The following CACNB3 variants were observed in gnomAD, a reference collection of about 807,000 sequenced individuals.
CACNB3 encodes voltage-dependent L-type calcium channel subunit beta-3.
CACNB3 carries 36 observed loss-of-function variants against 63.7 expected under a neutral mutation model. The observed-to-expected ratio is 0.57, with a 90% confidence interval of 0.43 to 0.75. The LOEUF is 0.75. Ranked by LOEUF, CACNB3 falls within the 30% of genes least tolerant of loss-of-function variation. CACNB3 has a pLI of 0.00. For missense variants in CACNB3, 493 were observed against 648.6 expected (o/e 0.76, Z 2.61); for synonymous variants, 241 against 250.6 (o/e 0.96, Z 0.36).
chr12:48,828,857 T>C lies in CACNB3; in HGVS notation c.*958T>C. The C allele has an allele frequency of 2.3e-6, 1 of 436,114 alleles. No homozygotes were observed. Among genetic ancestry groups the C allele is most frequent in the East Asian group, 7.0e-5 (1 of 14,280 alleles). The allele number at this position is 436,114 out of a possible 1,614,324, so 27.0% of individuals were successfully genotyped here. On this transcript the variant is annotated 3_prime_UTR_variant, in exon 13 of 13. Coordinates refer to ENST00000301050, the MANE Select transcript of CACNB3 (RefSeq NM_000725.4). ...TGTCTCCCCGGCTACTCTTGCCTTATGGCTCTAGTGTGTGACCTACAGAGC... is the reference window on the plus strand; with the variant it reads ...TGTCTCCCCGGCTACTCTTGCCTTACGGCTCTAGTGTGTGACCTACAGAGC...
At chr12:48,824,598 A>G in intron 4 of CACNB3, 71 bp from the exon 5 acceptor site, 2 of 1,385,988 alleles carry the variant, frequency 1.4e-6, no homozygotes, top group Non-Finnish European at 2.0e-6. Context: ...CAATTATTAA[A>G]TAATGCATAG....
chr12:48,816,867 C>T, upstream of CACNB3: 1 of 985,478 alleles, frequency 1.0e-6, no homozygotes. Flanking sequence ...CTGCTTTCTT[C>T]ACTAGAGCCA....
chr12:48,823,286 G>T lies in CACNB3; in HGVS notation c.46-58G>T. The T allele has an allele frequency of 1.3e-5, 20 of 1,592,662 alleles. No homozygotes were observed. Among genetic ancestry groups the T allele is most frequent in the Non-Finnish European group, 1.7e-5 (20 of 1,169,222 alleles). On this transcript the variant is annotated intron_variant, in intron 1 of 12. Coordinates refer to ENST00000301050, the MANE Select transcript of CACNB3 (RefSeq NM_000725.4). This position sits in a 1 kb window ranked among gnomAD's most constrained non-coding sequence, Gnocchi z 4.2. ...GGCAACACTGTAAGGTGAGGAGGGT[G>T]CCTCCATGGCATCCTTCATGCCGGA...
At chr12:48,817,024 G>A, upstream of CACNB3, 1 of 985,016 alleles carries the variant, frequency 1.0e-6, no homozygotes, top group Non-Finnish European at 1.2e-6. Flanking sequence ...GCAGTGTCTG[G>A]GAACTTCCAA....
upstream of CACNB3, chr12:48,817,133 C>T (rs1041969570): frequency 1.2e-5 from 5 of 401,610 alleles, no homozygotes; most frequent in African/African-American, 1.1e-4. Context: ...AGTTGTTTGT[C>T]AAACCCAGCA....
Position 48,825,268 on chromosome 12 carries a change from A to C in CACNB3, c.573+25A>C. 6.2e-7 allele frequency: 1 copy of C among 1,608,360 alleles called. No individual in the cohort carries two copies. The highest frequency in any genetic ancestry group is 8.5e-7 in the Non-Finnish European group (1 of 1,175,354). On this transcript the variant is annotated intron_variant, in intron 7 of 12. Coordinates refer to ENST00000301050, the MANE Select transcript of CACNB3 (RefSeq NM_000725.4). This position sits in a 1 kb window ranked among gnomAD's most constrained non-coding sequence, Gnocchi z 4.5. ...GGTGAGAGGAGGTCCTTGACCCCAA[A>C]GAGTCACCTCTACCAAGCCTGCCAC...
chr12:48,818,376 C>G (rs1942341592), upstream of CACNB3: 2 of 888,824 alleles, frequency 2.3e-6, no homozygotes, highest in Non-Finnish European at 2.7e-6. This position sits in a 1 kb window ranked among gnomAD's most constrained non-coding sequence, Gnocchi z 4.3. Flanking sequence ...CCTCCCTCCC[C>G]CGCCGCAGCC....
In CACNB3 at chr12:48,820,062, C is replaced by T. The variant is rs151172699; in HGVS notation, c.45+1088C>T. The stretch of plus-strand genomic sequence containing the variant: ...CAAGTCTTCTCCCATCACTTACTGC[C>T]AGGCCCAGGATAGATGAATGCTGAT... On this transcript the variant is annotated intron_variant, in intron 1 of 12. Transcript: ENST00000301050. 4.1e-3 allele frequency: 766 copies of T among 185,634 alleles called. 6 individuals are homozygous for T. The highest frequency in any genetic ancestry group is 0.017 in the African/African-American group (710 of 42,788). 11.5% of individuals were successfully genotyped at this position (185,634 alleles called of 1,614,324 possible). A position where few individuals can be genotyped will look rare whatever the true frequency, so the allele number is the denominator to read the frequency against.
At chr12:48,817,983 G>C (rs1161019881), upstream of CACNB3, 1 of 152,306 alleles carries the variant, frequency 6.6e-6, no homozygotes, top group East Asian at 1.9e-4. Flanking sequence ...GGCCTACCCA[G>C]CTCACGGAAA....
In CACNB3 at chr12:48,827,703, G is replaced by GT. The variant is rs1419923799; in HGVS notation, c.1260dup (p.Ser421Ter). 4 of 1,614,056 alleles carry GT rather than the reference G, an allele frequency of 2.5e-6. No individual in the cohort carries two copies. Among genetic ancestry groups the GT allele is most frequent in the Non-Finnish European group, 3.4e-6 (4 of 1,180,020 alleles). On this transcript the variant is annotated frameshift_variant, in exon 13 of 13. Coordinates refer to ENST00000301050, the MANE Select transcript of CACNB3 (RefSeq NM_000725.4). LOFTEE classifies it high-confidence loss of function. Reference sequence around the variant, plus strand: ...CAAGCCTGGACAGGATCTTCACAGCGTAGCTCCCGCCACCTGGAGGAGGAC... The same window carrying GT: ...CAAGCCTGGACAGGATCTTCACAGCGTTAGCTCCCGCCACCTGGAGGAGGAC...
chr12:48,815,350 T>C (rs932619878), upstream of CACNB3: 2 of 353,064 alleles, frequency 5.7e-6, no homozygotes, highest in Non-Finnish European at 1.1e-5. Flanking sequence ...GGAGCGAGGG[T>C]GCGACGTGGG....
At chr12:48,820,165 T>A (rs1937782081) in intron 1 of CACNB3, 2 of 156,040 alleles carry the variant, frequency 1.3e-5, no homozygotes, top group East Asian at 1.9e-4. Flanking sequence ...CTGGGGCTAA[T>A]TACATTGCCG....
chr12:48,821,941 C>T (rs1019044350), intron 1 of CACNB3, among the ~76,000 whole-genome samples: 1 of 152,214 alleles, frequency 6.6e-6, no homozygotes, highest in African/African-American at 2.4e-5. Flanking sequence ...GGGCTGACCC[C>T]TAGCTGAACA....
At chr12:48,822,877 A>C (rs1197232845) in intron 1 of CACNB3, among the ~76,000 whole-genome samples, 1 of 152,166 alleles carries the variant, frequency 6.6e-6, no homozygotes, top group Non-Finnish European at 1.5e-5. Flanking sequence ...GCCAACCAGC[A>C]TCTCTTGACT....
intron 1 of CACNB3, chr12:48,820,927 C>G (rs1937817154): frequency 2.0e-5 from 3 of 152,220 alleles, no homozygotes; most frequent in Admixed American, 2.0e-4. Context: ...GTGCCTCACA[C>G]CTGTAATCCC....
In CACNB3 at chr12:48,825,343, G is replaced by A. The variant is rs1938070866; in HGVS notation, c.574-91G>A. ...GGGGTGTGTCTCCTCCGTCCAGGGT[G>A]TGTATGTGGAGCGCATTGACTCTGG... On this transcript the variant is annotated intron_variant, in intron 7 of 12. Coordinates refer to ENST00000301050, the MANE Select transcript of CACNB3 (RefSeq NM_000725.4). The surrounding 1 kb of genome is among the most constrained non-coding windows in gnomAD (Gnocchi z 4.5). 6.4e-7 allele frequency: 1 copy of A among 1,568,228 alleles called. No individual in the cohort carries two copies. Among genetic ancestry groups the A allele is most frequent in the African/African-American group, 1.4e-5 (1 of 73,944 alleles).
upstream of CACNB3, chr12:48,815,428 G>C (rs1417455472): frequency 2.7e-6 from 2 of 728,694 alleles, no homozygotes; most frequent in Non-Finnish European, 4.3e-6. Context: ...GACGGAAGTG[G>C]AGAGAGGCTG....
upstream of CACNB3, among the ~76,000 whole-genome samples, chr12:48,817,492 C>T (rs867399566): frequency 6.6e-6 from 1 of 152,312 alleles, no homozygotes; most frequent in Non-Finnish European, 1.5e-5. Flanking sequence ...TGTCTACGCA[C>T]ATCCTCCTCG....
intron 1 of CACNB3, among the ~76,000 whole-genome samples, 171 bp downstream of exon 1, chr12:48,819,145 G>T (rs1488482173): frequency 6.6e-6 from 1 of 152,094 alleles, no homozygotes; most frequent in African/African-American, 2.4e-5. Context: ...GCGTTCCCCA[G>T]CGACCCAGAC....
Sources: allele counts gnomAD v4.1 joint callset (sites outside exome capture counted in the v4.1 genomes callset), GRCh38; gene constraint gnomAD v4.1.1; non-coding constraint Gnocchi (gnomAD v3.1); transcripts MANE v1.5; gene names NCBI Gene and HGNC (gene_info 2026-07-23, HGNC 2026-07-21).